Variants in ZBTB7C observed in about 807,000 individuals in gnomAD.
ZBTB7C encodes the protein zinc finger and BTB domain-containing protein 7C.
In ZBTB7C, 8 loss-of-function variants were observed where a neutral mutation model predicts 25.7. That is an observed-to-expected ratio of 0.31 (90% CI 0.18 to 0.56). ZBTB7C has a LOEUF of 0.56. Ranked by LOEUF, ZBTB7C falls within the 20% of genes least tolerant of loss-of-function variation. The probability of loss-of-function intolerance (pLI) is 0.91; values close to 1 mark genes in which losing one functional copy is unlikely to be tolerated. For synonymous variants in ZBTB7C, 394 were observed against 369.0 expected, an observed-to-expected ratio of 1.07 and a Z score of -0.78; for missense variants, 824 against 855.2, an observed-to-expected ratio of 0.96 and a Z score of 0.46.
chr18:48,382,544 G>A (rs888703081), intron 1 of ZBTB7C, among the ~76,000 whole-genome samples: 3 of 152,062 alleles, frequency 2.0e-5, no homozygotes, highest in African/African-American at 4.8e-5. Flanking sequence ...CCACATCCTC[G>A]GTGACGACAC....
At chr18:48,302,550 G>A (rs2045570164) in intron 2 of ZBTB7C, among the ~76,000 whole-genome samples, 1 of 152,166 alleles carries the variant, frequency 6.6e-6, no homozygotes. Flanking sequence ...ACTAACACCA[G>A]CAGGCAAAAT....
At position 48,080,443 on chromosome 18, in the gene ZBTB7C, G is replaced by GC. The variant is rs570753203; in HGVS notation, c.-16-39321dup. Among the ~76,000 whole-genome samples the GC allele has an allele frequency of 1.9e-3, 293 of 152,328 alleles. 3 individuals are homozygous for GC. The highest frequency in any genetic ancestry group is 6.7e-3 in the African/African-American group (277 of 41,572). On this transcript the variant is annotated intron_variant, in intron 3 of 4. Coordinates refer to ENST00000590800, the MANE Select transcript of ZBTB7C (RefSeq NM_001318841.2). ...CTCTCATTAAGGCGAAGCTAAGAGA[G>GC]CCACAAACAATGCTCTAATTAATGT...
chr18:48,304,701 C>G (rs892200599), intron 2 of ZBTB7C, among the ~76,000 whole-genome samples: 4 of 151,970 alleles, frequency 2.6e-5, no homozygotes, highest in Non-Finnish European at 5.9e-5. Flanking sequence ...CTTAGCTTGC[C>G]ATGGTGGCGC....
rs532854570 is a variant in ZBTB7C, at chr18:48,375,231, G to A, written c.-304+33995C>T. Among the ~76,000 whole-genome samples the A allele has an allele frequency of 5.3e-5, 8 of 152,330 alleles. No individual in the cohort carries two copies. The South Asian group carries it at 1.7e-3, about 32-fold the overall frequency. On this transcript the variant is annotated intron_variant, in intron 1 of 4. Transcript: ENST00000590800. ...AGAGCTACTTCCCAACCCAGATGTG[G>A]GGGAAACCCACCCGCAGTCTCTCCC...
chr18:48,320,436 G>T (rs368623670), intron 2 of ZBTB7C, among the ~76,000 whole-genome samples: 4 of 152,192 alleles, frequency 2.6e-5, no homozygotes, highest in African/African-American at 9.7e-5. Context: ...GGATCCTGCT[G>T]TCCGCTGCGC....
chr18:48,366,782 A>C (rs9951654), intron 1 of ZBTB7C, among the ~76,000 whole-genome samples: 3,552 of 152,332 alleles, frequency 0.023, 119 homozygotes, highest in African/African-American at 0.068. Flanking sequence ...AATAAATTTA[A>C]GTGCTTTCTA....
chr18:48,352,521 T>C (rs984879038), intron 1 of ZBTB7C, among the ~76,000 whole-genome samples: 2 of 152,272 alleles, frequency 1.3e-5, no homozygotes, highest in East Asian at 3.9e-4. Context: ...TCTCACCCTG[T>C]GGTCCTCTTC....
intron 2 of ZBTB7C, among the ~76,000 whole-genome samples, chr18:48,249,679 AC>A: frequency 6.6e-6 from 1 of 152,298 alleles, no homozygotes; most frequent in South Asian, 2.1e-4. Context: ...GTAATTTCTA[AC>A]AGGTTAGATT....
At chr18:48,103,125 TATC>T (rs1165178129) in intron 3 of ZBTB7C, among the ~76,000 whole-genome samples, 9 of 106,820 alleles carry the variant, frequency 8.4e-5, no homozygotes, top group Non-Finnish European at 2.1e-4. Context: ...TCTATCTATC[TATC>T]TATCTATCTA....
intron 2 of ZBTB7C, among the ~76,000 whole-genome samples, chr18:48,324,026 T>A (rs2046159008): frequency 6.6e-6 from 1 of 152,082 alleles, no homozygotes; most frequent in African/African-American, 2.4e-5. Context: ...CCTTCCACCA[T>A]GTGAAGACGG....
chr18:48,319,112 C>CTGTGTGTGTGTGTGTGTGTGTG (rs143825394), intron 2 of ZBTB7C, among the ~76,000 whole-genome samples: 23 of 147,460 alleles, frequency 1.6e-4, no homozygotes, highest in African/African-American at 4.0e-4. Context: ...CAGAATGCCT[C>CTGTGTGTGTGTGTGTGTGTGTG]TGTGTGTGTG....
intron 2 of ZBTB7C, among the ~76,000 whole-genome samples, chr18:48,296,812 T>A (rs2045405803): frequency 6.6e-6 from 1 of 152,004 alleles, no homozygotes. Flanking sequence ...CCACCTCCTT[T>A]CAGATCAGCA....
In ZBTB7C at chr18:48,051,932, G is replaced by T. The variant is rs192910518; in HGVS notation, c.-16-10809C>A. The stretch of plus-strand genomic sequence containing the variant: ...CATCCTTTATTTTCTAGGGGGCAGT[G>T]GGGGGAGACTTGTTTTCTTTTAAGA... On this transcript the variant is annotated intron_variant, in intron 3 of 4. Coordinates refer to ENST00000590800, the MANE Select transcript of ZBTB7C (RefSeq NM_001318841.2). Among the ~76,000 whole-genome samples the T allele has an allele frequency of 3.8e-3, 584 of 152,176 alleles. 8 individuals carry two copies. Among genetic ancestry groups the T allele is most frequent in the African/African-American group, 0.013 (549 of 41,514 alleles).
chr18:48,345,998 TCA>T (rs1292596605), intron 1 of ZBTB7C, among the ~76,000 whole-genome samples: 5 of 152,232 alleles, frequency 3.3e-5, no homozygotes, highest in Non-Finnish European at 5.9e-5. Context: ...GTGAGATATT[TCA>T]CATACAACGA....
intron 2 of ZBTB7C, among the ~76,000 whole-genome samples, chr18:48,267,778 C>A (rs559295888): frequency 2.0e-5 from 3 of 152,292 alleles, no homozygotes; most frequent in East Asian, 1.9e-4. Flanking sequence ...GACCCTTACA[C>A]CACGTGAGAA....
At chr18:48,166,468 A>AC (rs1054166955) in intron 3 of ZBTB7C, among the ~76,000 whole-genome samples, 1 of 151,956 alleles carries the variant, frequency 6.6e-6, no homozygotes, top group African/African-American at 2.4e-5. Context: ...AGCTTCTCAG[A>AC]CCCCCGGTTT....
chr18:48,397,936 C>A (rs911599834), intron 1 of ZBTB7C, among the ~76,000 whole-genome samples: 1 of 152,200 alleles, frequency 6.6e-6, no homozygotes, highest in African/African-American at 2.4e-5. Context: ...AGCTTCCCTA[C>A]CTGCACACAC....
At chr18:48,199,992 TTG>T (rs57540482) in intron 2 of ZBTB7C, among the ~76,000 whole-genome samples, 44,953 of 149,090 alleles carry the variant, frequency 0.3, 7,090 homozygotes, top group East Asian at 0.55. Flanking sequence ...GGAAATGTAT[TTG>T]TGTGTGTGTG....
intron 2 of ZBTB7C, among the ~76,000 whole-genome samples, chr18:48,216,060 C>A (rs539160420): frequency 6.6e-6 from 1 of 152,308 alleles, no homozygotes; most frequent in African/African-American, 2.4e-5. Context: ...GCGTGTCCAA[C>A]CCTCTCTTCC....
Sources: gnomAD v4.1 joint callset for allele counts (sites outside exome capture counted in the v4.1 genomes callset) on GRCh38, gnomAD v4.1.1 for gene constraint, MANE v1.5 for transcripts, NCBI Gene and HGNC (gene_info 2026-07-23, HGNC 2026-07-21) for gene names.